DOCK1: variants seen among roughly 807,000 people sequenced by gnomAD.
DOCK1 encodes dedicator of cytokinesis protein 1.
In DOCK1, 138 loss-of-function variants were observed where a neutral mutation model predicts 262.7. The ratio of observed to expected loss-of-function variants is 0.53; its 90% CI spans 0.46 to 0.61. The LOEUF (loss-of-function observed/expected upper bound fraction) is 0.61. Among genes scored for constraint, DOCK1 ranks in the 20% least tolerant of loss-of-function variants. The pLI is 0.00. For missense variants in DOCK1, 1,908 were observed against 2,370.7 expected (o/e 0.80, Z 4.05); for synonymous variants, 866 against 867.4 (o/e 1.00, Z 0.03).
intron 7 of DOCK1, 97 bp from the exon 8 acceptor site, chr10:126,997,995 T>G: frequency 2.7e-6 from 4 of 1,482,908 alleles, no homozygotes; most frequent in South Asian, 1.3e-5. Context: ...GTTATGCCAA[T>G]GAGTTATTAC....
At chr10:127,331,607 G>A (rs2062986302) in intron 29 of DOCK1, among the ~76,000 whole-genome samples, 1 of 152,142 alleles carries the variant, frequency 6.6e-6, no homozygotes, top group African/African-American at 2.4e-5. Flanking sequence ...AGTCTTCTCT[G>A]GGGTCCCTTT....
At chr10:127,419,573 C>G (rs2068372691) in intron 45 of DOCK1, 93 bp from the exon 46 acceptor site, 1 of 1,212,102 alleles carries the variant, frequency 8.3e-7, no homozygotes, top group African/African-American at 1.5e-5. Context: ...GTTTTATGCA[C>G]AGCTCTATTC....
rs111799630 is a variant in DOCK1, at chr10:127,420,896, A to AGTTTGTTTGTTT, written c.4776+1151_4776+1152insGTTTGTTTGTTT. 3.8e-3 allele frequency among the ~76,000 whole-genome samples: 445 copies of AGTTTGTTTGTTT among 117,312 alleles called. 3 individuals carry two copies. Among genetic ancestry groups the AGTTTGTTTGTTT allele is most frequent in the African/African-American group, 0.01 (327 of 31,986 alleles). 77.0% of individuals were successfully genotyped at this position (117,312 alleles called of 152,430 possible). Reference sequence around the variant, plus strand: ...CCTCTTATGAGACATCACCGTGAGCAGTTTATTTGTTTGTTTGTTTGTTTG... The same window carrying AGTTTGTTTGTTT: ...CCTCTTATGAGACATCACCGTGAGCAGTTTGTTTGTTTGTTTATTTGTTTGTTTGTTTGTTTG... On this transcript the variant is annotated intron_variant, in intron 46 of 51. Transcript: ENST00000623213.
At chr10:127,064,308 C>A (rs953242921) in intron 23 of DOCK1, among the ~76,000 whole-genome samples, 5 of 152,184 alleles carry the variant, frequency 3.3e-5, no homozygotes, top group Admixed American at 6.5e-5. Context: ...AAGGCTCCAT[C>A]CCCTTCTTGG....
intron 47 of DOCK1, among the ~76,000 whole-genome samples, chr10:127,427,685 C>G (rs983654210): frequency 6.6e-6 from 1 of 152,202 alleles, no homozygotes; most frequent in Non-Finnish European, 1.5e-5. Context: ...CACCACAGAG[C>G]TTCTCCGCCT....
chr10:127,276,390 A>T (rs1353772649), intron 29 of DOCK1, among the ~76,000 whole-genome samples: 2 of 152,182 alleles, frequency 1.3e-5, no homozygotes, highest in Non-Finnish European at 2.9e-5. Context: ...GGCAGCATTA[A>T]GCATCCTTTT....
intron 29 of DOCK1, among the ~76,000 whole-genome samples, chr10:127,324,453 C>CTTCT (rs2062671895): frequency 1.3e-5 from 2 of 152,284 alleles, no homozygotes; most frequent in South Asian, 4.1e-4. Context: ...CTCACTGGGG[C>CTTCT]TTCTGGGCAG....
At chr10:127,272,147 A>C (rs1016118388) in intron 29 of DOCK1, 19 of 152,226 alleles carry the variant, frequency 1.2e-4, no homozygotes, top group Admixed American at 2.6e-4. Flanking sequence ...GTACCTGTCA[A>C]ATTCCCAGAG....
intron 23 of DOCK1, among the ~76,000 whole-genome samples, chr10:127,082,487 A>AG (rs560987562): frequency 9.1e-4 from 138 of 152,244 alleles, no homozygotes; most frequent in Non-Finnish European, 1.9e-3. Flanking sequence ...CGTGTGCAGG[A>AG]GAACTGCCCT....
chr10:127,136,289 C>T (rs896996883), intron 27 of DOCK1: 16 of 151,976 alleles, frequency 1.1e-4, no homozygotes, highest in African/African-American at 3.9e-4. Flanking sequence ...GAGGAAAATA[C>T]ATGGCAAGAA....
chr10:127,096,774 A>G (rs1303725204), intron 23 of DOCK1, among the ~76,000 whole-genome samples: 2 of 151,804 alleles, frequency 1.3e-5, no homozygotes, highest in African/African-American at 4.8e-5. Context: ...CATTCTCATG[A>G]GATCTGGGAC....
intron 2 of DOCK1, among the ~76,000 whole-genome samples, chr10:126,971,802 C>CA (rs2038127161): frequency 6.6e-6 from 1 of 152,160 alleles, no homozygotes; most frequent in African/African-American, 2.4e-5. Context: ...GTATATGTCT[C>CA]AGAGGAACCC....
chr10:127,068,806 C>T (rs949025186), intron 23 of DOCK1, among the ~76,000 whole-genome samples: 11 of 152,200 alleles, frequency 7.2e-5, no homozygotes, highest in Admixed American at 2.0e-4. Context: ...TGTATACACA[C>T]ACACACACAC....
chr10:127,314,752 A>G (rs1180839718), intron 29 of DOCK1, among the ~76,000 whole-genome samples: 1 of 152,214 alleles, frequency 6.6e-6, no homozygotes, highest in Non-Finnish European at 1.5e-5. Context: ...TAGCTGTTGG[A>G]AAGAACCCTG....
intron 5 of DOCK1, among the ~76,000 whole-genome samples, 169 bp from the exon 6 acceptor site, chr10:126,990,286 G>C (rs756469006): frequency 6.6e-6 from 1 of 152,244 alleles, no homozygotes; most frequent in South Asian, 2.1e-4. Context: ...ACCAAATTCC[G>C]TATAATATGT....
intron 23 of DOCK1, among the ~76,000 whole-genome samples, chr10:127,096,426 T>A (rs2047914540): frequency 6.6e-6 from 1 of 152,166 alleles, no homozygotes; most frequent in Non-Finnish European, 1.5e-5. Flanking sequence ...AAAAGGAGGA[T>A]TTGTGGACCA....
chr10:127,361,128 T>TTTG (rs1443033575), intron 32 of DOCK1, among the ~76,000 whole-genome samples: 3 of 146,492 alleles, frequency 2.0e-5, no homozygotes, highest in African/African-American at 5.1e-5. Flanking sequence ...TTTTTTTTTT[T>TTTG]TTTGAGACAG....
chr10:127,276,644 C>T, intron 29 of DOCK1, among the ~76,000 whole-genome samples: 1 of 152,070 alleles, frequency 6.6e-6, no homozygotes, highest in East Asian at 1.9e-4. Flanking sequence ...ATCTTTTTTC[C>T]ATTTTGTTTA....
chr10:126,929,223 C>T (rs1393569662), intron 1 of DOCK1, among the ~76,000 whole-genome samples: 1 of 152,182 alleles, frequency 6.6e-6, no homozygotes, highest in Middle Eastern at 3.2e-3. Context: ...TGGGGATGAA[C>T]CATTTTCCCC....
Sources: allele counts gnomAD v4.1 joint callset (sites outside exome capture counted in the v4.1 genomes callset), GRCh38; gene constraint gnomAD v4.1.1; transcripts MANE v1.5; gene names NCBI Gene and HGNC (gene_info 2026-07-23, HGNC 2026-07-21).